GPI: variants seen among roughly 807,000 people sequenced by gnomAD.
GPI encodes glucose-6-phosphate isomerase.
GPI carries 56 observed loss-of-function variants against 75.8 expected under a neutral mutation model. The ratio of observed to expected loss-of-function variants is 0.74; its 90% CI spans 0.60 to 0.92. The LOEUF is 0.92. Ranked by LOEUF, GPI falls within the 40% of genes least tolerant of loss-of-function variation. The pLI is 0.00. For synonymous variants in GPI, 288 were observed against 285.4 expected, an observed-to-expected ratio of 1.01 and a Z score of -0.09; for missense variants, 638 against 741.0, an observed-to-expected ratio of 0.86 and a Z score of 1.61.
chr19:34,399,809 G>C (rs2145438026), intron 17 of GPI, 24 bp downstream of exon 17: 1 of 1,613,474 alleles, frequency 6.2e-7, no homozygotes, highest in South Asian at 1.1e-5. Context: ...TTAGGGGAGG[G>C]CCGGGAATAC....
upstream of GPI, among the ~76,000 whole-genome samples, chr19:34,364,047 T>G (rs1470193048): frequency 6.6e-6 from 1 of 152,138 alleles, no homozygotes; most frequent in African/African-American, 2.4e-5. Context: ...TTCTTTTTTT[T>G]AAGACAAGGT....
At chr19:34,365,437 G>A in intron 1 of GPI, 49 bp downstream of exon 1, 1 of 1,506,832 alleles carries the variant, frequency 6.6e-7, no homozygotes, top group Non-Finnish European at 8.8e-7. Context: ...GCCCGGAACC[G>A]GGCACGCGGG....
intron 14 of GPI, chr19:34,398,706 G>A (rs2074978826): frequency 6.5e-6 from 1 of 154,198 alleles, no homozygotes; most frequent in African/African-American, 2.4e-5. Flanking sequence ...CAAGTGGTGT[G>A]TAGTTCTTTT....
At chr19:34,378,263 G>A (rs1386432415) in intron 6 of GPI, among the ~76,000 whole-genome samples, 12 of 152,084 alleles carry the variant, frequency 7.9e-5, no homozygotes, top group African/African-American at 1.7e-4. Flanking sequence ...GCGTGATCTC[G>A]GCTCACTGCA....
chr19:34,375,567 G>T (rs923184683), intron 4 of GPI, among the ~76,000 whole-genome samples: 2 of 152,150 alleles, frequency 1.3e-5, no homozygotes, highest in Non-Finnish European at 2.9e-5. Context: ...GTTGGCCAGC[G>T]CCCCAGTTAT....
In GPI at chr19:34,379,514, G is replaced by A; in HGVS notation, c.706-4G>A. 6.2e-7 allele frequency: 1 copy of A among 1,614,018 alleles called. No individual in the cohort carries two copies. The highest frequency in any genetic ancestry group is 1.1e-5 in the South Asian group (1 of 91,078). On this transcript the variant is annotated splice_region_variant and splice_polypyrimidine_tract_variant and intron_variant, in intron 7 of 17. Coordinates refer to ENST00000356487, the MANE Select transcript of GPI (RefSeq NM_000175.5). Reference sequence around the variant, plus strand: ...CTGTGGTAACTTGGCTCTGTCTCTTGTAGCCTTCTGCAGTGGCGAAGCACT... The same window carrying A: ...CTGTGGTAACTTGGCTCTGTCTCTTATAGCCTTCTGCAGTGGCGAAGCACT...
chr19:34,381,211 C>T (rs1434411360), intron 8 of GPI: 6 of 567,806 alleles, frequency 1.1e-5, no homozygotes, highest in Non-Finnish European at 1.9e-5. Flanking sequence ...GTTACAGCTG[C>T]CCTCAGCAGG....
chr19:34,392,769 C>T (rs2074881907), intron 9 of GPI: 3 of 244,010 alleles, frequency 1.2e-5, no homozygotes, highest in African/African-American at 2.3e-5. Flanking sequence ...GTGTGAGACC[C>T]TGGGTCTGTC....
At chr19:34,366,571 G>A (rs2074368876) in intron 2 of GPI, 136 bp downstream of exon 2, 1 of 779,532 alleles carries the variant, frequency 1.3e-6, no homozygotes, top group Non-Finnish European at 2.3e-6. Flanking sequence ...CTGTGCTGGT[G>A]AGGCACCTGT....
intron 1 of GPI, chr19:34,365,930 G>A (rs770362318): frequency 6.2e-6 from 3 of 485,794 alleles, no homozygotes; most frequent in South Asian, 4.6e-5. Context: ...ATGGGCGGGA[G>A]TGCGGCCAAG....
In GPI at chr19:34,396,949, TACTGGC is replaced by T. The variant is rs1486744549; in HGVS notation, c.1269+296_1269+301del. Among the ~76,000 whole-genome samples the T allele has an allele frequency of 2.0e-5, 3 of 152,168 alleles. No homozygotes were observed. The South Asian group carries it at 6.2e-4, about 31-fold the overall frequency. ...CCTCAGCCTCCCAAGTAGCTGGGAC[TACTGGC>T]ACTCACCACCATGGCCAGCTAATTT... is the stretch of plus-strand genomic sequence containing the variant. On this transcript the variant is annotated intron_variant, in intron 14 of 17. Coordinates refer to ENST00000356487, the MANE Select transcript of GPI (RefSeq NM_000175.5).
At chr19:34,394,132 C>T in intron 12 of GPI, 66 bp downstream of exon 12, 1 of 1,319,086 alleles carries the variant, frequency 7.6e-7, no homozygotes, top group Non-Finnish European at 1.1e-6. Flanking sequence ...GGTCTAGGAA[C>T]CTGGGTTTCA....
chr19:34,387,441 T>G (rs574737571), intron 9 of GPI, among the ~76,000 whole-genome samples: 1 of 151,894 alleles, frequency 6.6e-6, no homozygotes, highest in South Asian at 2.1e-4. Context: ...AATGGTGGTA[T>G]GTTTACCTGG....
At chr19:34,365,079 C>G (rs559904231), upstream of GPI, 2 of 1,468,898 alleles carry the variant, frequency 1.4e-6, no homozygotes, top group African/African-American at 1.4e-5. Flanking sequence ...GCTCAGCGGG[C>G]ACCCGGCCTG....
chr19:34,398,942 TG>T, intron 14 of GPI: 1 of 332,356 alleles, frequency 3.0e-6, no homozygotes, highest in East Asian at 6.9e-5. Context: ...CCTGACCTCG[TG>T]GTCCATCCGC....
At chr19:34,375,480 C>CT in intron 4 of GPI, among the ~76,000 whole-genome samples, 1 of 152,262 alleles carries the variant, frequency 6.6e-6, no homozygotes. Flanking sequence ...CTCACAGTGT[C>CT]TGTGGGTCAG....
chr19:34,388,149 A>G (rs555082111), intron 9 of GPI, among the ~76,000 whole-genome samples: 5 of 152,298 alleles, frequency 3.3e-5, no homozygotes, highest in African/African-American at 1.2e-4. Flanking sequence ...CCAAGATGGC[A>G]TTGTGCTCCA....
chr19:34,367,956 T>A (rs1044343058), intron 3 of GPI, among the ~76,000 whole-genome samples: 1 of 152,370 alleles, frequency 6.6e-6, no homozygotes, highest in African/African-American at 2.4e-5. Context: ...AGTCTTGCTC[T>A]GTCGCCCAGG....
At chr19:34,364,948 T>A, upstream of GPI, 1 of 1,525,928 alleles carries the variant, frequency 6.6e-7, no homozygotes, top group Non-Finnish European at 8.8e-7. Flanking sequence ...TGGGCTCCAG[T>A]GATCCCCGGG....
Sources: gnomAD v4.1 joint callset for allele counts (sites outside exome capture counted in the v4.1 genomes callset) on GRCh38, gnomAD v4.1.1 for gene constraint, MANE v1.5 for transcripts, NCBI Gene and HGNC (gene_info 2026-07-23, HGNC 2026-07-21) for gene names.